The following SNTG1 variants were observed in gnomAD, a reference collection of about 807,000 sequenced individuals.
The protein encoded by SNTG1 is gamma-1-syntrophin.
In SNTG1, 39 loss-of-function variants were observed where a neutral mutation model predicts 74.7. The ratio of observed to expected loss-of-function variants is 0.52; its 90% CI spans 0.40 to 0.68. SNTG1 has a LOEUF of 0.68. Ranked by LOEUF, SNTG1 falls within the 30% of genes least tolerant of loss-of-function variation. The pLI, the probability that SNTG1 is intolerant of heterozygous loss-of-function variation, is 0.00. For missense variants in SNTG1, 685 were observed against 609.5 expected, an observed-to-expected ratio of 1.12 and a Z score of -1.30; for synonymous variants, 254 against 217.1, an observed-to-expected ratio of 1.17 and a Z score of -1.49.
At chr8:50,642,233 T>C (rs1305971123) in intron 13 of SNTG1, among the ~76,000 whole-genome samples, 1 of 152,152 alleles carries the variant, frequency 6.6e-6, no homozygotes, top group East Asian at 1.9e-4. Flanking sequence ...GTTAAACTAC[T>C]CTCTAAAGCC....
At chr8:50,616,546 G>A (rs1267995871) in intron 13 of SNTG1, among the ~76,000 whole-genome samples, 2 of 152,184 alleles carry the variant, frequency 1.3e-5, no homozygotes, top group East Asian at 1.9e-4. Context: ...CAGGAAGCAC[G>A]AGCAGGCAGG....
At chr8:49,919,124 C>T (rs1340043979) in intron 1 of SNTG1, among the ~76,000 whole-genome samples, 1 of 151,934 alleles carries the variant, frequency 6.6e-6, no homozygotes, top group Non-Finnish European at 1.5e-5. Flanking sequence ...CTCTTTTCTC[C>T]CCCTCTCTTC....
At chr8:50,363,484 C>G (rs557807735) in intron 2 of SNTG1, among the ~76,000 whole-genome samples, 1 of 152,008 alleles carries the variant, frequency 6.6e-6, no homozygotes, top group African/African-American at 2.4e-5. Context: ...GTCCCTGAAG[C>G]TTGTGTTGGG....
rs1159814404 is a variant in SNTG1 at position 50,784,853 on chromosome 8, A to T, written c.1396-7818A>T. Among the ~76,000 whole-genome samples the T allele has an allele frequency of 2.6e-5, 4 of 152,332 alleles. No homozygotes were observed. The East Asian group carries it at 7.7e-4, about 29-fold the overall frequency. On this transcript the variant is annotated intron_variant, in intron 18 of 18. Transcript: ENST00000642720. ...TAAAATAGTTAAAATAATACAAATTATGTTCTATGAACACAATGGAATAAA... is the reference window on the plus strand; with the variant it reads ...TAAAATAGTTAAAATAATACAAATTTTGTTCTATGAACACAATGGAATAAA...
At chr8:50,413,155 TG>T (rs1397465791) in intron 4 of SNTG1, among the ~76,000 whole-genome samples, 1 of 152,212 alleles carries the variant, frequency 6.6e-6, no homozygotes, top group Non-Finnish European at 1.5e-5. Context: ...TTTACACAAA[TG>T]AATTTTTATA....
At chr8:50,443,697 C>T (rs2093379131) in intron 5 of SNTG1, among the ~76,000 whole-genome samples, 1 of 152,138 alleles carries the variant, frequency 6.6e-6, no homozygotes, top group African/African-American at 2.4e-5. Flanking sequence ...GGACCTCAGT[C>T]CCCCTAGAAG....
intron 15 of SNTG1, among the ~76,000 whole-genome samples, chr8:50,681,108 AAT>A (rs1377893031): frequency 6.6e-6 from 1 of 152,222 alleles, no homozygotes; most frequent in Non-Finnish European, 1.5e-5. Context: ...TTTTTGAACT[AAT>A]ATAATAAATT....
intron 12 of SNTG1, among the ~76,000 whole-genome samples, chr8:50,583,465 A>G (rs2094625344): frequency 6.6e-6 from 1 of 151,834 alleles, no homozygotes; most frequent in African/African-American, 2.4e-5. Flanking sequence ...GAAAATAACT[A>G]GCATCAAAAA....
At chr8:50,585,607 A>T (rs756407854) in intron 12 of SNTG1, among the ~76,000 whole-genome samples, 19 of 152,178 alleles carry the variant, frequency 1.2e-4, no homozygotes, top group Non-Finnish European at 2.4e-4. Context: ...AATTTTCATT[A>T]TTTGGAAATA....
At chr8:49,933,141 C>T (rs554867373) in intron 1 of SNTG1, among the ~76,000 whole-genome samples, 22 of 152,184 alleles carry the variant, frequency 1.4e-4, no homozygotes, top group Non-Finnish European at 2.9e-4. Flanking sequence ...ATATATCTAG[C>T]GGTGCAGTTG....
At chr8:50,468,472 A>G (rs375817030) in intron 8 of SNTG1, among the ~76,000 whole-genome samples, 2 of 151,998 alleles carry the variant, frequency 1.3e-5, no homozygotes, top group Non-Finnish European at 2.9e-5. Context: ...AGCTACCTTC[A>G]TTAATGTTAG....
intron 1 of SNTG1, among the ~76,000 whole-genome samples, chr8:49,962,032 T>C: frequency 6.6e-6 from 1 of 152,198 alleles, no homozygotes; most frequent in Non-Finnish European, 1.5e-5. Flanking sequence ...GCTTCCCCTC[T>C]GCTCCCAGGG....
At chr8:50,014,361 A>G (rs1281660154) in intron 1 of SNTG1, among the ~76,000 whole-genome samples, 1 of 152,062 alleles carries the variant, frequency 6.6e-6, no homozygotes, top group Non-Finnish European at 1.5e-5. Flanking sequence ...ACAATAGAAA[A>G]CTGCTGATAA....
chr8:50,744,543 G>A (rs904104159), intron 17 of SNTG1, among the ~76,000 whole-genome samples: 1 of 151,884 alleles, frequency 6.6e-6, no homozygotes, highest in Non-Finnish European at 1.5e-5. Flanking sequence ...TGAAGAAATA[G>A]AAAAGTCCGT....
chr8:50,686,712 T>C (rs2095353841), intron 15 of SNTG1, among the ~76,000 whole-genome samples: 1 of 152,146 alleles, frequency 6.6e-6, no homozygotes, highest in Non-Finnish European at 1.5e-5. Flanking sequence ...TTTTCAGGTA[T>C]AAAGTAGTTT....
rs142119091 is a variant in SNTG1 at position 50,549,439 on chromosome 8, G to A, written c.681-3611G>A. Among the ~76,000 whole-genome samples, 162 of 152,132 alleles carry A rather than the reference G, an allele frequency of 1.1e-3. 1 individual carries two copies. The highest frequency in any genetic ancestry group is 1.9e-3 in the Non-Finnish European group (128 of 67,986). ...TCAATGTTCTGTCCTCACACACAGG[G>A]CCACTCTGTGAGACTGATTTTTCTC... On this transcript the variant is annotated intron_variant, in intron 11 of 18. Coordinates refer to ENST00000642720, the MANE Select transcript of SNTG1 (RefSeq NM_018967.5).
intron 2 of SNTG1, among the ~76,000 whole-genome samples, chr8:50,210,353 A>G (rs1163900302): frequency 3.9e-5 from 6 of 152,222 alleles, no homozygotes; most frequent in Admixed American, 3.9e-4. Flanking sequence ...GCAGGCCAAC[A>G]TTCAAATACA....
chr8:50,501,424 CGTTT>C (rs2093952070), intron 8 of SNTG1, among the ~76,000 whole-genome samples: 1 of 96,924 alleles, frequency 1.0e-5, no homozygotes. Flanking sequence ...TGAGCCTGTG[CGTTT>C]TTTTTTTTTT....
At chr8:50,655,153 G>T (rs752132336) in intron 13 of SNTG1, among the ~76,000 whole-genome samples, 1 of 152,054 alleles carries the variant, frequency 6.6e-6, no homozygotes, top group African/African-American at 2.4e-5. Context: ...AGTTTCCTAA[G>T]GTAACATTAG....
Sources: gnomAD v4.1 joint callset for allele counts (sites outside exome capture counted in the v4.1 genomes callset) on GRCh38, gnomAD v4.1.1 for gene constraint, MANE v1.5 for transcripts, NCBI Gene and HGNC (gene_info 2026-07-23, HGNC 2026-07-21) for gene names.